The following TACR3 variants were observed in gnomAD, a reference collection of about 807,000 sequenced individuals.
TACR3 encodes the protein tachykinin receptor 3, also known as neuromedin-K receptor.
TACR3 carries 34 observed loss-of-function variants against 35.0 expected under a neutral mutation model. The ratio of observed to expected loss-of-function variants is 0.97; its 90% CI spans 0.74 to 1.30. TACR3 has a LOEUF of 1.30. Among genes scored for constraint, TACR3 ranks in the 50% most tolerant of loss-of-function variants. The pLI, the probability that TACR3 is intolerant of heterozygous loss-of-function variation, is 0.00. For missense variants in TACR3, 558 were observed against 591.7 expected (o/e 0.94, Z 0.59); for synonymous variants, 233 against 221.1 (o/e 1.05, Z -0.48).
chr4:103,703,576 C>A (rs149928627), intron 1 of TACR3, among the ~76,000 whole-genome samples: 16 of 152,262 alleles, frequency 1.1e-4, no homozygotes, highest in Middle Eastern at 3.4e-3. Context: ...GATTAAGAAT[C>A]TGACTGTGTC....
At chr4:103,677,962 T>C (rs1167173928) in intron 1 of TACR3, among the ~76,000 whole-genome samples, 1 of 152,050 alleles carries the variant, frequency 6.6e-6, no homozygotes, top group Non-Finnish European at 1.5e-5. Context: ...AATTCTGATA[T>C]GAGGATTAAA....
At chr4:103,595,807 A>T (rs929214353) in intron 3 of TACR3, among the ~76,000 whole-genome samples, 1 of 151,114 alleles carries the variant, frequency 6.6e-6, no homozygotes, top group Admixed American at 6.6e-5. Flanking sequence ...TGTGCAGGTT[A>T]GTTACATATG....
rs1553972885 is a variant in TACR3, at chr4:103,662,217, G to GGTTTTTTTTTTTTTTTTT, written c.549-3815_549-3814insAAAAAAAAAAAAAAAAAC. ...TGTGAAAAACTCCTATGTTGATGGT[G>GGTTTTTTTTTTTTTTTTT]TTTTTTTTTTTTTTTTTTTTGAGAC... is the stretch of plus-strand genomic sequence containing the variant. On this transcript the variant is annotated intron_variant, in intron 1 of 4. Transcript: ENST00000304883. 8.1e-5 allele frequency among the ~76,000 whole-genome samples: 7 copies of GGTTTTTTTTTTTTTTTTT among 86,272 alleles called. 3 individuals carry two copies. Among genetic ancestry groups the GGTTTTTTTTTTTTTTTTT allele is most frequent in the African/African-American group, 1.0e-4 (2 of 19,538 alleles). 56.6% of individuals were successfully genotyped at this position (86,272 alleles called of 152,430 possible).
chr4:103,647,767 C>A (rs1424881935), intron 3 of TACR3, among the ~76,000 whole-genome samples: 1 of 151,886 alleles, frequency 6.6e-6, no homozygotes, highest in Non-Finnish European at 1.5e-5. Flanking sequence ...GCTTATTTCT[C>A]AAGGGTAATA....
chr4:103,650,644 TAA>T (rs1491531597), intron 3 of TACR3, among the ~76,000 whole-genome samples: 6 of 64,654 alleles, frequency 9.3e-5, no homozygotes, highest in South Asian at 3.4e-4. Flanking sequence ...AATATATATT[TAA>T]TATATATAAA....
chr4:103,648,681 C>G (rs1032170163), intron 3 of TACR3, among the ~76,000 whole-genome samples: 9 of 152,222 alleles, frequency 5.9e-5, no homozygotes, highest in Admixed American at 4.6e-4. Flanking sequence ...TTTATCCATT[C>G]ATCTGTTGAT....
At chr4:103,591,292 AATT>A in intron 4 of TACR3, 192 bp downstream of exon 4, 1 of 630,128 alleles carries the variant, frequency 1.6e-6, no homozygotes, top group Non-Finnish European at 2.8e-6. Flanking sequence ...TGGGGCATCT[AATT>A]ATTAATGTGG....
intron 3 of TACR3, among the ~76,000 whole-genome samples, chr4:103,602,903 C>A (rs145878917): frequency 1.3e-5 from 2 of 152,198 alleles, no homozygotes; most frequent in Non-Finnish European, 2.9e-5. Context: ...AGCACCACTA[C>A]TCTCTTCAAA....
chr4:103,599,895 A>C (rs36137661), intron 3 of TACR3, among the ~76,000 whole-genome samples: 6 of 152,080 alleles, frequency 3.9e-5, no homozygotes, highest in Admixed American at 2.6e-4. Flanking sequence ...ATGTTCATCA[A>C]GGATATTGGT....
intron 4 of TACR3, 30 bp from the exon 5 acceptor site, chr4:103,590,024 A>C (rs188559532): frequency 2.5e-6 from 4 of 1,603,514 alleles, no homozygotes; most frequent in South Asian, 1.1e-5. Context: ...AGAAAGAAAA[A>C]GTTATTTTTT....
At chr4:103,696,188 CTT>C (rs1425198152) in intron 1 of TACR3, among the ~76,000 whole-genome samples, 1 of 151,952 alleles carries the variant, frequency 6.6e-6, no homozygotes, top group Non-Finnish European at 1.5e-5. Flanking sequence ...TACAGGTAGT[CTT>C]TGCTTTGCAA....
chr4:103,629,076 A>C (rs1560813567), intron 3 of TACR3, among the ~76,000 whole-genome samples: 1 of 152,200 alleles, frequency 6.6e-6, no homozygotes, highest in Non-Finnish European at 1.5e-5. Flanking sequence ...AAGGCCTTTG[A>C]CAAAATTCAA....
In TACR3 at chr4:103,591,554, C is replaced by G. The variant is rs1398147371; in HGVS notation, c.1018G>C (p.Ala340Pro). The part of the protein sequence containing the change: ...RWKYIQQVYL[A>P]SFWLAMSSTM... The stretch of plus-strand genomic sequence containing the variant: ...GAGCTCATTGCCAGCCAAAAGCTAG[C>G]CAGGTAGACCTGCTGGATGTATTTC... The change falls in exon 4 of 5, where the codon GCT (alanine) becomes CCT (proline). Residue 340 changes from alanine (A) to proline (P), a missense_variant. By Grantham distance (27) the Ala-to-Pro change is conservative (BLOSUM62 -1). Transcript: ENST00000304883. The G allele has an allele frequency of 6.2e-7, 1 of 1,613,702 alleles. No individual in the cohort carries two copies. The highest frequency in any genetic ancestry group is 2.2e-5 in the East Asian group (1 of 44,868).
At chr4:103,626,770 T>A (rs569193637) in intron 3 of TACR3, among the ~76,000 whole-genome samples, 14 of 152,250 alleles carry the variant, frequency 9.2e-5, no homozygotes, top group African/African-American at 3.4e-4. Flanking sequence ...TTATAATGAG[T>A]AATAAATGCA....
At chr4:103,615,398 TGAGAGA>T (rs111766715) in intron 3 of TACR3, among the ~76,000 whole-genome samples, 25,284 of 116,894 alleles carry the variant, frequency 0.22, 2,317 homozygotes, top group Middle Eastern at 0.3. Flanking sequence ...TGTGTGTGTG[TGAGAGA>T]GAGAGAGAGA....
intron 1 of TACR3, among the ~76,000 whole-genome samples, chr4:103,662,862 C>T (rs767619559): frequency 4.6e-5 from 7 of 152,138 alleles, no homozygotes; most frequent in Admixed American, 3.9e-4. Flanking sequence ...TATCATGGAG[C>T]ATCGATTTCA....
At position 103,719,940 on chromosome 4, in the gene TACR3, T is replaced by C. The variant is rs550358865; in HGVS notation, c.-265A>G. ...CGAGATTAAGGGTTATCGAGTCACA[T>C]CACACGTAGGGAGGGTGCCAGCTGC... is the stretch of plus-strand genomic sequence containing the variant. On this transcript the variant is annotated 5_prime_UTR_variant, in exon 1 of 5. It removes an upstream start codon present in the reference 5' UTR. Transcript: ENST00000304883. The C allele has an allele frequency of 3.5e-6, 2 of 571,122 alleles. No homozygotes were observed. The highest frequency in any genetic ancestry group is 4.3e-5 in the South Asian group (2 of 46,330). The allele number at this position is 571,122 out of a possible 1,614,324, so 35.4% of individuals were successfully genotyped here. A position where few individuals can be genotyped will look rare whatever the true frequency, so the allele number is the denominator to read the frequency against.
At chr4:103,627,181 C>CAAAA in intron 3 of TACR3, among the ~76,000 whole-genome samples, 1 of 24,704 alleles carries the variant, frequency 4.0e-5, no homozygotes, top group Non-Finnish European at 7.0e-5. Flanking sequence ...GACTCCGTCT[C>CAAAA]AAAAAAAAAA....
At chr4:103,678,616 C>T (rs1726223579) in intron 1 of TACR3, among the ~76,000 whole-genome samples, 1 of 151,944 alleles carries the variant, frequency 6.6e-6, no homozygotes. Context: ...GCATTGAGTG[C>T]CAAATAAATG....
Sources: gnomAD v4.1 joint callset for allele counts (sites outside exome capture counted in the v4.1 genomes callset) on GRCh38, gnomAD v4.1.1 for gene constraint, MANE v1.5 for transcripts, NCBI Gene and HGNC (gene_info 2026-07-23, HGNC 2026-07-21) for gene names.